STAU2: variants seen among roughly 807,000 people sequenced by gnomAD.
The protein encoded by STAU2 is staufen double-stranded RNA binding protein 2, also known as double-stranded RNA-binding protein Staufen homolog 2.
In STAU2, 20 loss-of-function variants were observed where a neutral mutation model predicts 65.9. The observed-to-expected ratio is 0.30, with a 90% confidence interval of 0.21 to 0.44. The LOEUF (loss-of-function observed/expected upper bound fraction) is 0.44, where lower values mean the gene tolerates loss of function less well. Ranked by LOEUF, STAU2 falls within the 20% of genes least tolerant of loss-of-function variation. The pLI is 1.00. For missense variants in STAU2, 558 were observed against 683.9 expected (o/e 0.82, Z 2.05); for synonymous variants, 232 against 233.9 (o/e 0.99, Z 0.07).
At position 73,615,660 on chromosome 8, in the gene STAU2, C is replaced by T; in HGVS notation, c.678+15G>A. 2 of 1,598,608 alleles carry T rather than the reference C, an allele frequency of 1.3e-6. No individual in the cohort carries two copies. The highest frequency in any genetic ancestry group is 8.6e-7 in the Non-Finnish European group (1 of 1,167,020). On this transcript the variant is annotated intron_variant, in intron 8 of 14. Transcript: ENST00000524300. ...AGCAAGGGAAAAAATGGGAAGATCT[C>T]TACCGAGTACATACCTCAAAACTGA...
At chr8:73,733,320 T>C (rs1806201939) in intron 3 of STAU2, among the ~76,000 whole-genome samples, 1 of 152,216 alleles carries the variant, frequency 6.6e-6, no homozygotes, top group African/African-American at 2.4e-5. Context: ...CACACTGACC[T>C]GTCAAGCCTA....
chr8:73,690,968 AAAGT>A (rs1819286484), intron 4 of STAU2, among the ~76,000 whole-genome samples: 1 of 152,204 alleles, frequency 6.6e-6, no homozygotes, highest in South Asian at 2.1e-4. Context: ...ACTTTGCCAC[AAAGT>A]AAGAAAGTTC....
chr8:73,692,350 A>G (rs1819387267), intron 4 of STAU2, among the ~76,000 whole-genome samples: 1 of 152,044 alleles, frequency 6.6e-6, no homozygotes, highest in Non-Finnish European at 1.5e-5. Flanking sequence ...GGCACAAGCC[A>G]CCATGCCGGG....
chr8:73,518,077 T>C (rs1822837181), intron 13 of STAU2, among the ~76,000 whole-genome samples: 1 of 152,256 alleles, frequency 6.6e-6, no homozygotes, highest in Non-Finnish European at 1.5e-5. Context: ...TGTTTCTAAA[T>C]GGAATTTCAG....
chr8:73,527,537 C>G, intron 13 of STAU2: 1 of 457,860 alleles, frequency 2.2e-6, no homozygotes, highest in Non-Finnish European at 3.9e-6. Flanking sequence ...TTTCCCAACA[C>G]AAACAATTTT....
At position 73,436,795 on chromosome 8, in the gene STAU2, C is replaced by T. The variant is rs189016099; in HGVS notation, c.1531-14093G>A. Among the ~76,000 whole-genome samples, 15 of 152,010 alleles carry T rather than the reference C, an allele frequency of 9.9e-5. No homozygotes were observed. In the East Asian group the frequency reaches 2.5e-3, roughly 26 times the overall value. ...AGAGACGGGTTTTCACCATGTTGGCCGGGCTGGTCTCAAACTCCTGACCTC... is the reference window on the plus strand; with the variant it reads ...AGAGACGGGTTTTCACCATGTTGGCTGGGCTGGTCTCAAACTCCTGACCTC... On this transcript the variant is annotated intron_variant, in intron 13 of 14. Transcript: ENST00000524300.
At chr8:73,446,860 TC>T (rs1818495988) in intron 13 of STAU2, among the ~76,000 whole-genome samples, 1 of 152,206 alleles carries the variant, frequency 6.6e-6, no homozygotes, top group South Asian at 2.1e-4. Context: ...GTCTCACCCT[TC>T]AATCAACTCC....
chr8:73,547,062 A>C (rs1262757173), intron 13 of STAU2, among the ~76,000 whole-genome samples: 1 of 152,204 alleles, frequency 6.6e-6, no homozygotes, highest in East Asian at 1.9e-4. Context: ...ACGAAATGAT[A>C]ATCATCTTTT....
chr8:73,729,225 C>T (rs529450640), intron 3 of STAU2, among the ~76,000 whole-genome samples: 3 of 152,334 alleles, frequency 2.0e-5, no homozygotes, highest in South Asian at 4.1e-4. Flanking sequence ...ATGTGTTGTA[C>T]TACACCACCC....
intron 13 of STAU2, among the ~76,000 whole-genome samples, chr8:73,530,530 T>A (rs796831058): frequency 6.6e-6 from 1 of 151,952 alleles, no homozygotes; most frequent in African/African-American, 2.4e-5. Flanking sequence ...TGATACAGAG[T>A]GGGAATACCT....
intron 3 of STAU2, among the ~76,000 whole-genome samples, chr8:73,714,894 C>T (rs1391166667): frequency 6.6e-6 from 1 of 152,018 alleles, no homozygotes; most frequent in Non-Finnish European, 1.5e-5. Flanking sequence ...CCAGCCTGGC[C>T]AACATGGTGA....
chr8:73,734,979 G>A (rs934947180), intron 3 of STAU2, among the ~76,000 whole-genome samples: 1 of 152,068 alleles, frequency 6.6e-6, no homozygotes, highest in Non-Finnish European at 1.5e-5. Flanking sequence ...CTGTTACCCA[G>A]GCTGGAGTGC....
chr8:73,740,730 A>G (rs1806792145), intron 1 of STAU2, among the ~76,000 whole-genome samples: 1 of 152,128 alleles, frequency 6.6e-6, no homozygotes, highest in Non-Finnish European at 1.5e-5. Flanking sequence ...GGTCGGGTGT[A>G]GTGGCTCACG....
chr8:73,433,500 C>T (rs1306242279), intron 13 of STAU2, among the ~76,000 whole-genome samples: 15 of 136,630 alleles, frequency 1.1e-4, no homozygotes, highest in Non-Finnish European at 1.5e-4. Flanking sequence ...CATCACGCCC[C>T]GCCTTTTTTT....
intron 3 of STAU2, among the ~76,000 whole-genome samples, chr8:73,716,728 AT>A (rs565320605): frequency 1.8e-4 from 27 of 151,256 alleles, no homozygotes; most frequent in African/African-American, 3.4e-4. Context: ...TTTACTTTTG[AT>A]TTTTTTTTCT....
intron 13 of STAU2, among the ~76,000 whole-genome samples, chr8:73,481,973 T>C (rs981915072): frequency 6.6e-5 from 10 of 152,144 alleles, no homozygotes; most frequent in Non-Finnish European, 1.3e-4. Flanking sequence ...ATATAGTCTT[T>C]TGAGTGCTAT....
Position 73,719,430 on chromosome 8 carries a change from G to A in STAU2, c.-17-10268C>T, listed in dbSNP as rs139893020. 4.7e-4 allele frequency among the ~76,000 whole-genome samples: 71 copies of A among 152,232 alleles called. 1 individual carries two copies. The East Asian group carries it at 0.013, about 28-fold the overall frequency. ...AAGGTGTCCAGTTTTTCACCAATAAGTACAAGGTCAGCTAATAAGGTTTTT... is the reference window on the plus strand; with the variant it reads ...AAGGTGTCCAGTTTTTCACCAATAAATACAAGGTCAGCTAATAAGGTTTTT... On this transcript the variant is annotated intron_variant, in intron 3 of 14. Transcript: ENST00000524300.
intron 6 of STAU2, among the ~76,000 whole-genome samples, chr8:73,618,911 A>G (rs1197829834): frequency 6.6e-6 from 1 of 152,204 alleles, no homozygotes. Flanking sequence ...CAACTGGAAA[A>G]TGGAGTACCC....
chr8:73,674,263 G>A (rs973514451), intron 5 of STAU2, among the ~76,000 whole-genome samples: 3 of 151,592 alleles, frequency 2.0e-5, no homozygotes, highest in African/African-American at 7.3e-5. Context: ...AAGGGGTGGG[G>A]GAGCAATCTC....
Sources: allele counts gnomAD v4.1 joint callset (sites outside exome capture counted in the v4.1 genomes callset), GRCh38; gene constraint gnomAD v4.1.1; transcripts MANE v1.5; gene names NCBI Gene and HGNC (gene_info 2026-07-23, HGNC 2026-07-21).